The following IPO5 variants were observed in gnomAD, a reference collection of about 807,000 sequenced individuals.
IPO5 encodes importin-5.
A neutral mutation model predicts 143.3 loss-of-function variants in IPO5; 18 were observed. That is an observed-to-expected ratio of 0.13 (90% CI 0.09 to 0.19). The LOEUF (loss-of-function observed/expected upper bound fraction) is 0.19, where lower values mean the gene tolerates loss of function less well. Ranked by LOEUF, IPO5 falls within the 10% of genes least tolerant of loss-of-function variation. The pLI is 1.00. For missense variants in IPO5, 1,013 were observed against 1,336.9 expected (o/e 0.76, Z 3.78); for synonymous variants, 477 against 465.7 (o/e 1.02, Z -0.31).
At chr13:98,013,670 C>A (rs1468209320) in intron 21 of IPO5, among the ~76,000 whole-genome samples, 1 of 151,994 alleles carries the variant, frequency 6.6e-6, no homozygotes, top group Non-Finnish European at 1.5e-5. Context: ...GGAAGAGGTC[C>A]TCGGTGGTCT....
chr13:98,013,971 T>C lies in IPO5; in HGVS notation c.2153-71T>C, dbSNP rs922143668. Reference sequence around the variant, plus strand: ...AAACAGAAGTTGCCTAGCACTCCTTTTAGTGCATTGAACCCTTTAACATTT... The same window carrying C: ...AAACAGAAGTTGCCTAGCACTCCTTCTAGTGCATTGAACCCTTTAACATTT... On this transcript the variant is annotated intron_variant, in intron 21 of 28. Coordinates refer to ENST00000651721, the MANE Select transcript of IPO5 (RefSeq NM_002271.6). 7.4e-6 allele frequency: 10 copies of C among 1,344,276 alleles called. No homozygotes were observed. In the African/African-American group the frequency reaches 8.8e-5, roughly 12 times the overall value. The allele number at this position is 1,344,276 out of a possible 1,614,324, so 83.3% of individuals were successfully genotyped here.
intron 2 of IPO5, among the ~76,000 whole-genome samples, chr13:97,969,066 T>C (rs1885582149): frequency 6.6e-6 from 1 of 150,966 alleles, no homozygotes; most frequent in Non-Finnish European, 1.5e-5. Context: ...ACTGTTTGCA[T>C]GGTGTGTCTT....
intron 2 of IPO5, among the ~76,000 whole-genome samples, chr13:97,967,153 C>G (rs1885415012): frequency 6.6e-6 from 1 of 152,158 alleles, no homozygotes; most frequent in Admixed American, 6.5e-5. Flanking sequence ...AGAAATGTGT[C>G]CATTTCCTCT....
intron 25 of IPO5, among the ~76,000 whole-genome samples, 159 bp downstream of exon 25, chr13:98,017,010 A>G (rs575545790): frequency 6.6e-6 from 1 of 152,200 alleles, no homozygotes; most frequent in South Asian, 2.1e-4. Flanking sequence ...TACCCTGGAT[A>G]TTTTCTCATT....
chr13:97,977,077 C>A, intron 4 of IPO5: 1 of 168,982 alleles, frequency 5.9e-6, no homozygotes. Flanking sequence ...GCCGGGCGGG[C>A]CCGGGGCCCC....
intron 4 of IPO5, among the ~76,000 whole-genome samples, chr13:97,980,770 T>C (rs1241633890): frequency 6.7e-6 from 1 of 148,492 alleles, no homozygotes; most frequent in Non-Finnish European, 1.5e-5. Context: ...GAGGTTGCAG[T>C]GAGCCGAGAT....
intron 2 of IPO5, chr13:97,960,336 T>C (rs1884759702): frequency 6.6e-6 from 1 of 152,134 alleles, no homozygotes; most frequent in African/African-American, 2.4e-5. Flanking sequence ...TCTCCACAAA[T>C]ATTGGTTTAG....
Position 97,997,533 on chromosome 13 carries a change from C to T in IPO5, c.916C>T (p.Pro306Ser). 11 of 1,581,634 alleles carry T rather than the reference C, an allele frequency of 7.0e-6. No homozygotes were observed. Among genetic ancestry groups the T allele is most frequent in the Non-Finnish European group, 9.5e-6 (11 of 1,152,196 alleles). The stretch of plus-strand genomic sequence containing the variant: ...TATGAAATAATTGTTTACTTTAGTT[C>T]CTCAGATGTTAGCAATGATGGTTGA... ...KHTNIVAQTI[P>S]QMLAMMVDLE... Residue 306 changes from proline to serine, a missense_variant and splice_region_variant, in exon 12 of 29, where the codon CCT becomes TCT. Physicochemically the swap from Pro to Ser is moderately conservative, Grantham distance 74. Transcript: ENST00000651721.
chr13:98,018,729 G>GCAGA, intron 26 of IPO5, 25 bp downstream of exon 26: 1 of 1,544,682 alleles, frequency 6.5e-7, no homozygotes, highest in Non-Finnish European at 8.9e-7. Context: ...TCCGTTACGT[G>GCAGA]CATTTCATTC....
chr13:97,979,566 T>TC (rs1886672259), intron 4 of IPO5, among the ~76,000 whole-genome samples: 1 of 152,238 alleles, frequency 6.6e-6, no homozygotes, highest in African/African-American at 2.4e-5. Context: ...AGTACAGTAT[T>TC]CATGGTATTT....
At chr13:97,974,672 C>T (rs766027070) in intron 3 of IPO5, among the ~76,000 whole-genome samples, 31 of 127,740 alleles carry the variant, frequency 2.4e-4, no homozygotes, top group Non-Finnish European at 4.5e-4. Context: ...TCCAGATACC[C>T]CAACGACCCA....
intron 11 of IPO5, among the ~76,000 whole-genome samples, chr13:97,996,043 G>A (rs1888258591): frequency 6.6e-6 from 1 of 152,084 alleles, no homozygotes; most frequent in African/African-American, 2.4e-5. Flanking sequence ...ACAATCAACA[G>A]TTTTGTTATC....
chr13:98,019,479 TCTTTAC>T, intron 26 of IPO5, 96 bp from the exon 27 acceptor site: 1 of 812,914 alleles, frequency 1.2e-6, no homozygotes. Context: ...CTTTAACATT[TCTTTAC>T]CATAATCAAT....
intron 2 of IPO5, among the ~76,000 whole-genome samples, chr13:97,959,729 G>A (rs1284351513): frequency 2.0e-5 from 3 of 152,108 alleles, no homozygotes; most frequent in African/African-American, 7.2e-5. Flanking sequence ...CTGGGACTCT[G>A]TCTCAAAGAA....
intron 7 of IPO5, 28 bp downstream of exon 7, chr13:97,989,192 A>G (rs751322515): frequency 3.0e-6 from 4 of 1,312,168 alleles, no homozygotes; most frequent in Non-Finnish European, 4.4e-6. Context: ...GTTTTTTGAG[A>G]CATTTGATTT....
intron 2 of IPO5, among the ~76,000 whole-genome samples, chr13:97,955,302 A>G (rs1884383405): frequency 6.6e-6 from 1 of 151,996 alleles, no homozygotes; most frequent in African/African-American, 2.4e-5. Context: ...TACAGGAAAT[A>G]TCCTCAGCTG....
At chr13:98,003,589 C>T (rs1015667414) in intron 16 of IPO5, among the ~76,000 whole-genome samples, 1 of 152,044 alleles carries the variant, frequency 6.6e-6, no homozygotes, top group East Asian at 1.9e-4. Flanking sequence ...GTGGCTCATC[C>T]CCGTAATCCC....
At chr13:97,981,309 T>C (rs1886827495) in intron 4 of IPO5, 1 of 453,588 alleles carries the variant, frequency 2.2e-6, no homozygotes, top group Admixed American at 2.4e-5. Context: ...TTTAATGAAG[T>C]GAAACAGAGC....
intron 12 of IPO5, among the ~76,000 whole-genome samples, chr13:97,999,107 C>T (rs540462818): frequency 2.0e-5 from 3 of 152,130 alleles, no homozygotes; most frequent in Non-Finnish European, 2.9e-5. Flanking sequence ...CACGTCATTG[C>T]GCTACAGCCT....
Sources: gnomAD v4.1 joint callset for allele counts (sites outside exome capture counted in the v4.1 genomes callset) on GRCh38, gnomAD v4.1.1 for gene constraint, MANE v1.5 for transcripts, NCBI Gene and HGNC (gene_info 2026-07-23, HGNC 2026-07-21) for gene names.